Variants in FGGY observed in about 807,000 individuals in gnomAD.
FGGY encodes the protein FGGY carbohydrate kinase domain-containing protein.
Under a neutral mutation model 71.3 loss-of-function variants are expected in FGGY, and 72 were observed. That is an observed-to-expected ratio of 1.01 (90% confidence interval 0.84 to 1.23). FGGY has a LOEUF of 1.23. FGGY is among the 50% of genes most tolerant of loss of function. The pLI is 0.00. For synonymous variants in FGGY, 251 were observed against 250.3 expected (o/e 1.00, Z -0.02); for missense variants, 668 against 682.3 (o/e 0.98, Z 0.23).
chr1:59,546,702 C>A (rs6699621), intron 7 of FGGY, among the ~76,000 whole-genome samples: 2 of 151,654 alleles, frequency 1.3e-5, no homozygotes, highest in Non-Finnish European at 2.9e-5. Context: ...GCCGCCACCA[C>A]GCCCGGCTAA....
chr1:59,735,412 G>T (rs557853699), intron 14 of FGGY, among the ~76,000 whole-genome samples: 52 of 152,210 alleles, frequency 3.4e-4, no homozygotes, highest in African/African-American at 1.3e-3. Flanking sequence ...TCTAGTCCTT[G>T]CTTTGACACC....
At position 59,499,299 on chromosome 1, in the gene FGGY, G is replaced by GTTTTTTTTTTTTTTTTTTTTTT. The variant is rs58170089; in HGVS notation, c.671-12996_671-12995insTTTTTTTTTTTTTTTTTTTTTT. ...ACTGAACCCTATGTATACTATGTTTGTTTTTTTTTTTTTTTTGATCTGGTA... is the reference window on the plus strand; with the variant it reads ...ACTGAACCCTATGTATACTATGTTTGTTTTTTTTTTTTTTTTTTTTTTTTTTTTTTTTTTTTTTGATCTGGTA... On this transcript the variant is annotated intron_variant, in intron 6 of 15. Transcript: ENST00000303721. 1.2e-4 allele frequency among the ~76,000 whole-genome samples: 13 copies of GTTTTTTTTTTTTTTTTTTTTTT among 105,802 alleles called. 1 individual carries two copies. The highest frequency in any genetic ancestry group is 1.6e-4 in the African/African-American group (4 of 25,450). The allele number at this position is 105,802 out of a possible 152,430, so 69.4% of individuals were successfully genotyped here.
chr1:59,537,260 G>T (rs1375808868), intron 7 of FGGY, among the ~76,000 whole-genome samples: 3 of 151,852 alleles, frequency 2.0e-5, no homozygotes, highest in Non-Finnish European at 4.4e-5. Flanking sequence ...GCTTCAAAGA[G>T]AATAAAATAG....
chr1:59,351,265 G>C (rs1337733553), intron 4 of FGGY, among the ~76,000 whole-genome samples: 1 of 152,302 alleles, frequency 6.6e-6, no homozygotes, highest in Admixed American at 6.5e-5. Context: ...ACCAACAGAT[G>C]AAAAGTTTGC....
chr1:59,655,263 T>G (rs2097207660), intron 11 of FGGY, among the ~76,000 whole-genome samples: 1 of 152,206 alleles, frequency 6.6e-6, no homozygotes, highest in Non-Finnish European at 1.5e-5. Context: ...AATACTTATT[T>G]TACTTTTGTA....
chr1:59,725,277 G>A (rs1269832715), intron 14 of FGGY, among the ~76,000 whole-genome samples: 1 of 152,096 alleles, frequency 6.6e-6, no homozygotes, highest in African/African-American at 2.4e-5. Context: ...GAATAAATCA[G>A]TTGACTCTAT....
intron 5 of FGGY, among the ~76,000 whole-genome samples, chr1:59,405,371 A>T (rs1046426302): frequency 1.3e-5 from 2 of 152,228 alleles, no homozygotes; most frequent in East Asian, 3.8e-4. Flanking sequence ...TCAATTCTGC[A>T]ACTTATTCCT....
intron 6 of FGGY, among the ~76,000 whole-genome samples, chr1:59,473,352 G>A (rs2093082290): frequency 6.6e-6 from 1 of 152,116 alleles, no homozygotes; most frequent in Admixed American, 6.5e-5. Flanking sequence ...CCACCAGAAG[G>A]AAGAAACTCC....
chr1:59,521,036 TG>T (rs5774474), intron 7 of FGGY, among the ~76,000 whole-genome samples: 1 of 130,672 alleles, frequency 7.7e-6, no homozygotes, highest in Non-Finnish European at 1.6e-5. Context: ...AAATTGGGGG[TG>T]GGGGGGGATT....
chr1:59,460,828 C>T lies in FGGY; in HGVS notation c.670+3752C>T, dbSNP rs972191468. Among the ~76,000 whole-genome samples the T allele has an allele frequency of 3.9e-5, 6 of 152,310 alleles. No individual in the cohort carries two copies. The South Asian group carries it at 8.3e-4, about 21-fold the overall frequency. ...AGCAAATTCCACTTTATGAAAATTC[C>T]TGCAGCTGAGGAACCTGGCTGTTAG... On this transcript the variant is annotated intron_variant, in intron 6 of 15. Coordinates refer to ENST00000303721, the MANE Select transcript of FGGY (RefSeq NM_018291.5).
intron 5 of FGGY, among the ~76,000 whole-genome samples, chr1:59,386,325 A>G (rs2060067976): frequency 6.6e-6 from 1 of 152,006 alleles, no homozygotes; most frequent in Non-Finnish European, 1.5e-5. Context: ...TTGGTCATGT[A>G]TATTGTTGGA....
At chr1:59,558,812 C>T (rs1020851787) in intron 8 of FGGY, among the ~76,000 whole-genome samples, 1 of 106,186 alleles carries the variant, frequency 9.4e-6, no homozygotes, top group Non-Finnish European at 1.9e-5. Context: ...GACAGACACT[C>T]CCAGAGTGGC....
intron 12 of FGGY, among the ~76,000 whole-genome samples, chr1:59,663,459 T>C (rs1032644746): frequency 2.1e-4 from 32 of 152,200 alleles, no homozygotes; most frequent in African/African-American, 7.5e-4. Context: ...GTAAGAGTAC[T>C]GCAGCAGAAG....
chr1:59,653,065 G>C (rs1026941981), intron 11 of FGGY, among the ~76,000 whole-genome samples: 2 of 152,202 alleles, frequency 1.3e-5, no homozygotes, highest in Admixed American at 6.5e-5. Flanking sequence ...TAGGCTGCTC[G>C]TGGGTCAGGG....
rs866646078 is a variant in FGGY at position 59,369,317 on chromosome 1, A to G, written c.466-9432A>G. The stretch of plus-strand genomic sequence containing the variant: ...ACGGAGTCTCGCTGATTGCTAGCAC[A>G]GCAGTCTGAGATCAAACTGCAAGGC... On this transcript the variant is annotated intron_variant, in intron 4 of 15. Coordinates refer to ENST00000303721, the MANE Select transcript of FGGY (RefSeq NM_018291.5). Among the ~76,000 whole-genome samples the G allele has an allele frequency of 5.9e-5, 9 of 152,282 alleles. No homozygotes were observed. In the South Asian group the frequency reaches 6.2e-4, roughly 11 times the overall value.
intron 8 of FGGY, among the ~76,000 whole-genome samples, chr1:59,592,126 A>G (rs963513449): frequency 1.1e-4 from 16 of 152,262 alleles, no homozygotes; most frequent in South Asian, 2.1e-4. Flanking sequence ...TGGGCAAAGG[A>G]CATGAACAGA....
At chr1:59,751,482 T>C (rs988256943) in intron 14 of FGGY, among the ~76,000 whole-genome samples, 5 of 152,236 alleles carry the variant, frequency 3.3e-5, no homozygotes, top group Non-Finnish European at 7.3e-5. Context: ...ATTTACTCTA[T>C]AAAACAAGTG....
chr1:59,712,710 C>A (rs921977916), intron 14 of FGGY, among the ~76,000 whole-genome samples: 1 of 152,120 alleles, frequency 6.6e-6, no homozygotes, highest in East Asian at 1.9e-4. Context: ...CGCAGGGCAC[C>A]AAGTCCTAGG....
chr1:59,456,844 A>G, intron 5 of FGGY, 117 bp from the exon 6 acceptor site: 1 of 639,678 alleles, frequency 1.6e-6, no homozygotes, highest in Non-Finnish European at 2.8e-6. Context: ...CATTATCTAC[A>G]CTGGCTTATT....
Sources: gnomAD v4.1 joint callset for allele counts (sites outside exome capture counted in the v4.1 genomes callset) on GRCh38, gnomAD v4.1.1 for gene constraint, MANE v1.5 for transcripts, NCBI Gene and HGNC (gene_info 2026-07-23, HGNC 2026-07-21) for gene names.